Variants in TMPRSS15 observed in about 807,000 individuals in gnomAD.
The protein encoded by TMPRSS15 is transmembrane serine protease 15, also known as enteropeptidase.
In TMPRSS15, 128 loss-of-function variants were observed where a neutral mutation model predicts 125.3. That is an observed-to-expected ratio of 1.02 (90% CI 0.89 to 1.18). TMPRSS15 has a LOEUF of 1.18. Ranked by LOEUF, TMPRSS15 falls within the 50% of genes most tolerant of loss-of-function variation. TMPRSS15 has a pLI of 0.00. For missense variants in TMPRSS15, 1,283 were observed against 1,212.7 expected, an observed-to-expected ratio of 1.06 and a Z score of -0.86; for synonymous variants, 446 against 423.2, an observed-to-expected ratio of 1.05 and a Z score of -0.66.
intron 16 of TMPRSS15, 72 bp from the exon 17 acceptor site, chr21:18,315,328 T>C: frequency 1.6e-6 from 2 of 1,285,432 alleles, no homozygotes; most frequent in South Asian, 2.4e-5. Flanking sequence ...ACAAATCCCA[T>C]TTGCTCCCCT....
intron 18 of TMPRSS15, among the ~76,000 whole-genome samples, chr21:18,309,422 T>C (rs1482057802): frequency 6.6e-6 from 1 of 152,104 alleles, no homozygotes; most frequent in Admixed American, 6.5e-5. Flanking sequence ...GTAATTAAAC[T>C]AAAGATCTTC....
chr21:18,477,899 TA>T (rs1978908524), intron 1 of TMPRSS15, among the ~76,000 whole-genome samples: 1 of 152,050 alleles, frequency 6.6e-6, no homozygotes, highest in Admixed American at 6.6e-5. Flanking sequence ...ATCCTGTGTT[TA>T]AAAATGTGGT....
At chr21:18,298,741 G>A (rs375109238) in intron 18 of TMPRSS15, among the ~76,000 whole-genome samples, 8 of 152,284 alleles carry the variant, frequency 5.3e-5, no homozygotes, top group Admixed American at 2.0e-4. Context: ...GGGAGATGAT[G>A]TGGTTCTACC....
intron 10 of TMPRSS15, among the ~76,000 whole-genome samples, chr21:18,346,341 G>A (rs928183211): frequency 2.6e-5 from 4 of 151,914 alleles, no homozygotes; most frequent in Non-Finnish European, 5.9e-5. Context: ...CTATTCCAAG[G>A]CATCCCATTC....
At chr21:18,470,326 A>T (rs1978753201) in intron 1 of TMPRSS15, among the ~76,000 whole-genome samples, 1 of 152,128 alleles carries the variant, frequency 6.6e-6, no homozygotes, top group South Asian at 2.1e-4. Flanking sequence ...AAAACAAAAA[A>T]AAAAGTATGC....
intron 8 of TMPRSS15, among the ~76,000 whole-genome samples, chr21:18,355,635 G>T (rs1264769673): frequency 6.6e-6 from 1 of 151,714 alleles, no homozygotes; most frequent in Non-Finnish European, 1.5e-5. Context: ...TTGAGTCTTG[G>T]TTCCATGTCT....
At chr21:18,304,091 G>T (rs1383284495) in intron 18 of TMPRSS15, among the ~76,000 whole-genome samples, 1 of 152,128 alleles carries the variant, frequency 6.6e-6, no homozygotes, top group African/African-American at 2.4e-5. Flanking sequence ...TCTGATGCAG[G>T]TTTTAAAAAA....
At chr21:18,273,094 A>G (rs1242206440) in intron 24 of TMPRSS15, among the ~76,000 whole-genome samples, 1 of 152,178 alleles carries the variant, frequency 6.6e-6, no homozygotes, top group East Asian at 1.9e-4. Context: ...CACGCATTGA[A>G]AGCCATTGGA....
At chr21:18,358,300 T>C (rs1362799425) in intron 8 of TMPRSS15, among the ~76,000 whole-genome samples, 3 of 151,836 alleles carry the variant, frequency 2.0e-5, no homozygotes, top group Non-Finnish European at 4.4e-5. Context: ...ATCACCTACA[T>C]AATTGGTTTG....
chr21:18,433,083 CT>C (rs2076219750), intron 1 of TMPRSS15, among the ~76,000 whole-genome samples: 2 of 152,034 alleles, frequency 1.3e-5, no homozygotes, highest in Admixed American at 1.3e-4. Flanking sequence ...TATGAGTTTA[CT>C]TTTTTCATGT....
chr21:18,343,526 T>C lies in TMPRSS15; in HGVS notation c.1408A>G (p.Asn470Asp), dbSNP rs1356553396. ...DNWNYGQVTL[N>D]ETVKFKVAFN... ...CAAACCTTAAATTTAACTGTTTCAT[T>C]TAGGGTTACTTGTCCATAATTCCAA... The change falls in exon 12 of 25, where the codon AAT becomes GAT. Residue 470 changes from asparagine to aspartate, a missense_variant. Physicochemically the swap from Asn to Asp is conservative, Grantham distance 23 (BLOSUM62 1). Transcript: ENST00000284885. The C allele has an allele frequency of 3.1e-6, 5 of 1,611,418 alleles. No individual in the cohort carries two copies.
chr21:18,400,788 A>G (rs1297934909), intron 1 of TMPRSS15, among the ~76,000 whole-genome samples: 3 of 152,202 alleles, frequency 2.0e-5, no homozygotes, highest in African/African-American at 7.2e-5. Flanking sequence ...GAAAGTCAAC[A>G]TACAACCTAT....
intron 3 of TMPRSS15, among the ~76,000 whole-genome samples, chr21:18,391,237 C>T (rs1319568994): frequency 6.6e-6 from 1 of 152,192 alleles, no homozygotes; most frequent in African/African-American, 2.4e-5. Context: ...TAACTCATTT[C>T]AGCATTAATT....
intron 3 of TMPRSS15, among the ~76,000 whole-genome samples, chr21:18,391,388 A>T (rs971976505): frequency 6.6e-6 from 1 of 152,224 alleles, no homozygotes; most frequent in Non-Finnish European, 1.5e-5. Context: ...TTCCAAATGG[A>T]AAAAAATTTG....
chr21:18,452,571 T>G (rs1021296962), intron 1 of TMPRSS15, among the ~76,000 whole-genome samples: 1 of 152,094 alleles, frequency 6.6e-6, no homozygotes, highest in Non-Finnish European at 1.5e-5. Context: ...GAGGCTGAGG[T>G]GGGAGAATCA....
At chr21:18,458,988 G>A (rs568840515) in intron 1 of TMPRSS15, among the ~76,000 whole-genome samples, 87 of 152,062 alleles carry the variant, frequency 5.7e-4, no homozygotes, top group African/African-American at 8.0e-4. Context: ...AGATACTCTC[G>A]TTAGCTTTCT....
At chr21:18,308,013 C>G (rs187253852) in intron 18 of TMPRSS15, among the ~76,000 whole-genome samples, 13 of 152,090 alleles carry the variant, frequency 8.5e-5, no homozygotes, top group African/African-American at 2.9e-4. Flanking sequence ...GGCACTTGGG[C>G]GCATCAATTG....
chr21:18,405,874 T>G (rs554870026), upstream of TMPRSS15, among the ~76,000 whole-genome samples: 20 of 152,292 alleles, frequency 1.3e-4, no homozygotes, highest in African/African-American at 4.6e-4. Context: ...GGAAAAATCA[T>G]GAAGAACATT....
At chr21:18,377,982 ACT>A (rs2075859863) in intron 5 of TMPRSS15, among the ~76,000 whole-genome samples, 1 of 152,136 alleles carries the variant, frequency 6.6e-6, no homozygotes, top group Non-Finnish European at 1.5e-5. Flanking sequence ...TATTTGAAAC[ACT>A]GTTTCTACCT....
Sources: gnomAD v4.1 joint callset for allele counts (sites outside exome capture counted in the v4.1 genomes callset) on GRCh38, gnomAD v4.1.1 for gene constraint, MANE v1.5 for transcripts, NCBI Gene and HGNC (gene_info 2026-07-23, HGNC 2026-07-21) for gene names.